The following HDAC6 variants were observed in gnomAD, a reference collection of about 807,000 sequenced individuals.
HDAC6 encodes the protein histone deacetylase 6.
In HDAC6, 5 loss-of-function variants were observed where a neutral mutation model predicts 88.9. That is an observed-to-expected ratio of 0.06 (90% CI 0.03 to 0.12). The LOEUF is 0.12. Among genes scored for constraint, HDAC6 ranks in the 10% least tolerant of loss-of-function variants. The pLI is 1.00. For synonymous variants in HDAC6, 378 were observed against 398.0 expected (o/e 0.95, Z 0.60); for missense variants, 706 against 1,014.4 (o/e 0.70, Z 4.13).
rs2062983841 is a variant in HDAC6 at position 48,816,287 on chromosome X, G to T, written c.1622+18G>T. ...TGTCACAGGTCAGACCCCGGTGCCT[G>T]GGGTGGGTGGATTCCCAGGACTGTG... is the stretch of plus-strand genomic sequence containing the variant. On this transcript the variant is annotated intron_variant, in intron 18 of 28. Coordinates refer to ENST00000334136, the MANE Select transcript of HDAC6 (RefSeq NM_006044.4). 2 of 1,198,751 alleles carry T rather than the reference G, an allele frequency of 1.7e-6. No homozygotes were observed. Among genetic ancestry groups the T allele is most frequent in the African/African-American group, 3.5e-5 (2 of 57,107 alleles).
At position 48,818,028 on chromosome X, in the gene HDAC6, G is replaced by A. The variant is rs184818576; in HGVS notation, c.1926-13G>A. ...GAGTATCGTCGGTTACTGAGGTGCT[G>A]TCTCCTCCCCAGGATCCTGATTGTG... On this transcript the variant is annotated splice_polypyrimidine_tract_variant and intron_variant, in intron 20 of 28. Transcript: ENST00000334136. 2 of 1,185,505 alleles carry A rather than the reference G, an allele frequency of 1.7e-6. No individual in the cohort carries two copies. Among genetic ancestry groups the A allele is most frequent in the East Asian group, 3.0e-5 (1 of 33,130 alleles).
At chrX:48,822,024 G>A in intron 23 of HDAC6, among the ~76,000 whole-genome samples, 1 of 111,738 alleles carries the variant, frequency 8.9e-6, no homozygotes, top group Non-Finnish European at 1.9e-5. Context: ...TAACCACTCT[G>A]AGCCTCAGTT....
intron 10 of HDAC6, among the ~76,000 whole-genome samples, 192 bp downstream of exon 10, chrX:48,808,518 C>T (rs1312987118): frequency 9.0e-6 from 1 of 111,481 alleles, no homozygotes; most frequent in Non-Finnish European, 1.9e-5. Context: ...TGTTGGGTTC[C>T]CTATTTTACA....
At chrX:48,816,086 G>T (rs782244231) in intron 17 of HDAC6, 34 bp downstream of exon 17, 1 of 1,209,558 alleles carries the variant, frequency 8.3e-7, no homozygotes, top group Non-Finnish European at 1.1e-6. Context: ...AGTAGGTGTT[G>T]GGGGTCCCTC....
chrX:48,807,817 CAT>C lies in HDAC6; in HGVS notation c.633-215_633-214del, dbSNP rs782793040. Among the ~76,000 whole-genome samples the C allele has an allele frequency of 2.2e-4, 25 of 112,115 alleles. 1 individual carries two copies. In the South Asian group the frequency reaches 9.2e-3, roughly 41 times the overall value. ...CTGAGCCACCGCACCCGGCCTTTAT[CAT>C]TTTAGTGAACATTTTCAAATCTCCT... On this transcript the variant is annotated intron_variant, in intron 8 of 28. Transcript: ENST00000334136.
Position 48,808,281 on chromosome X carries a change from T to G in HDAC6, c.761T>G (p.Val254Gly). Residue 254 changes from valine (V) to glycine (G), a missense_variant, in exon 10 of 29, where the codon GTG (valine) becomes GGG (glycine). Val to Gly is a moderately radical substitution (Grantham distance 109, BLOSUM62 -3). This residue lies in a region of HDAC6 where 193 missense variants were observed against 258.2 expected (regional missense o/e 0.75). Coordinates refer to ENST00000334136, the MANE Select transcript of HDAC6 (RefSeq NM_006044.4). ...AGGGTCCTTATCGTAGATTGGGATG[T>G]GCACCACGGTCAAGGAACACAGTTC... ...IRRVLIVDWD[V>G]HHGQGTQFTF... The G allele has an allele frequency of 8.3e-7, 1 of 1,207,958 alleles. No individual in the cohort carries two copies. Among genetic ancestry groups the G allele is most frequent in the Non-Finnish European group, 1.1e-6 (1 of 893,216 alleles).
intron 27 of HDAC6, 38 bp downstream of exon 27, chrX:48,824,106 C>T: frequency 8.3e-7 from 1 of 1,205,121 alleles, no homozygotes; most frequent in Non-Finnish European, 1.1e-6. Context: ...GGAGGTTGGC[C>T]CGGGAGCAAA....
Position 48,823,474 on chromosome X carries a change from G to C in HDAC6, c.3075G>C (p.Ser1025=). The part of the protein sequence containing the change: ...GTELIQTPLA[S]STDHQTPPTS... Reference sequence around the variant, plus strand: ...AGCTGATCCAAACTCCTCTAGCCTCGAGCACAGACCACCAGACCCCCCCAA... The same window carrying C: ...AGCTGATCCAAACTCCTCTAGCCTCCAGCACAGACCACCAGACCCCCCCAA... Residue 1025 remains serine, a synonymous_variant, in exon 25 of 29, where the codon TCG becomes TCC. Transcript: ENST00000334136. 8.3e-7 allele frequency: 1 copy of C among 1,210,573 alleles called. No individual in the cohort carries two copies.
intron 19 of HDAC6, chrX:48,816,953 CAAA>C (rs782535708): frequency 1.2e-3 from 252 of 215,229 alleles, no homozygotes; most frequent in East Asian, 2.1e-3. Context: ...GACCCTGTGT[CAAA>C]AAAAAAAAAA....
intron 10 of HDAC6, 23 bp downstream of exon 10, chrX:48,808,349 G>A (rs782062686): frequency 5.1e-5 from 58 of 1,138,326 alleles, no homozygotes; most frequent in Non-Finnish European, 6.8e-5. Context: ...TCCCACCTAG[G>A]TGCTAGACTC....
intron 1 of HDAC6, chrX:48,802,398 C>T (rs2062740155): frequency 1.1e-6 from 1 of 919,191 alleles, no homozygotes; most frequent in Non-Finnish European, 1.4e-6. Context: ...CCCGGGGGCT[C>T]ATTGCTCCGT....
At chrX:48,819,878 C>G (rs782729099) in intron 22 of HDAC6, 2 of 496,191 alleles carry the variant, frequency 4.0e-6, no homozygotes, top group Non-Finnish European at 7.3e-6. Context: ...GTCTCTAAGT[C>G]TGCATCTATT....
intron 19 of HDAC6, 69 bp downstream of exon 19, chrX:48,816,702 C>T: frequency 1.1e-6 from 1 of 894,560 alleles, no homozygotes; most frequent in Non-Finnish European, 1.5e-6. Context: ...TCTGCTGTTT[C>T]TGGAGGCTCT....
intron 19 of HDAC6, chrX:48,816,953 C>CA (rs782535708): frequency 0.016 from 3,314 of 210,788 alleles, no homozygotes; most frequent in East Asian, 0.024. Flanking sequence ...GACCCTGTGT[C>CA]AAAAAAAAAA....
At chrX:48,812,723 T>C (rs1304772122) in intron 10 of HDAC6, among the ~76,000 whole-genome samples, 1 of 112,284 alleles carries the variant, frequency 8.9e-6, no homozygotes, top group African/African-American at 3.2e-5. Flanking sequence ...GAAGTAAACC[T>C]GTGCTATCAA....
At chrX:48,820,278 T>A in intron 23 of HDAC6, 23 bp downstream of exon 23, 1 of 1,138,958 alleles carries the variant, frequency 8.8e-7, no homozygotes, top group South Asian at 2.1e-5. Context: ...TGGTCCCTCT[T>A]CCCACAGTGG....
At chrX:48,804,953 G>A (rs951822723) in intron 4 of HDAC6, among the ~76,000 whole-genome samples, 2 of 110,578 alleles carry the variant, frequency 1.8e-5, no homozygotes, top group African/African-American at 3.3e-5. Flanking sequence ...TCTAGGGCTG[G>A]CTGAAGAGTA....
intron 16 of HDAC6, 120 bp downstream of exon 16, chrX:48,815,762 C>T: frequency 9.7e-7 from 1 of 1,026,796 alleles, no homozygotes; most frequent in Admixed American, 2.4e-5. Flanking sequence ...CAGGCCCTCT[C>T]TCTCTCCCTG....
At chrX:48,813,864 C>T (rs1030974406) in intron 10 of HDAC6, 1 of 112,842 alleles carries the variant, frequency 8.9e-6, no homozygotes, top group Non-Finnish European at 1.9e-5. Context: ...CCCTACCCCC[C>T]AGGTCTCTCC....
Sources: gnomAD v4.1 joint callset for allele counts (sites outside exome capture counted in the v4.1 genomes callset) on GRCh38, gnomAD v4.1.1 for gene constraint, gnomAD v4.1.1 regional missense constraint, MANE v1.5 for transcripts, NCBI Gene and HGNC (gene_info 2026-07-23, HGNC 2026-07-21) for gene names.